The following SH2D4B variants were observed in gnomAD, a reference collection of about 807,000 sequenced individuals.
SH2D4B encodes the protein SH2 domain containing 4B, also known as SH2 domain-containing protein 4B.
A neutral mutation model predicts 61.5 loss-of-function variants in SH2D4B; 45 were observed. The observed-to-expected ratio is 0.73, with a 90% confidence interval of 0.58 to 0.94. The LOEUF (loss-of-function observed/expected upper bound fraction) is 0.94, where lower values mean the gene tolerates loss of function less well. Among genes scored for constraint, SH2D4B ranks in the 40% least tolerant of loss-of-function variants. The pLI is 0.00. For missense variants in SH2D4B, 572 were observed against 574.2 expected, an observed-to-expected ratio of 1.00 and a Z score of 0.04; for synonymous variants, 224 against 220.4, an observed-to-expected ratio of 1.02 and a Z score of -0.14.
rs548005265 is a variant in SH2D4B, at chr10:80,609,555, G to T, written c.988+4G>T. On this transcript the variant is annotated splice_donor_region_variant and intron_variant, in intron 6 of 7. Transcript: ENST00000646907. ...TTCATCGCCCCCTGGTTCCATGGTA[G>T]CACCATTTTTCTGGGCCCTGTGCCA... 1 of 1,613,922 alleles carries T rather than the reference G, an allele frequency of 6.2e-7. No homozygotes were observed. Among genetic ancestry groups the T allele is most frequent in the Non-Finnish European group, 8.5e-7 (1 of 1,179,786 alleles).
intron 4 of SH2D4B, 80 bp downstream of exon 4, chr10:80,588,857 C>A (rs929305656): frequency 7.8e-6 from 12 of 1,544,818 alleles, no homozygotes; most frequent in Non-Finnish European, 1.1e-5. Flanking sequence ...TGTACTCATT[C>A]GTCATTTCCA....
rs1842040548 is a variant in SH2D4B at position 80,571,423 on chromosome 10, C to T, written c.348-8C>T. On this transcript the variant is annotated splice_region_variant and splice_polypyrimidine_tract_variant and intron_variant, in intron 2 of 7. Transcript: ENST00000646907. ...CACAAGCTTATACCTGTGGTGCTCT[C>T]TTGGTAGGAGACAGAAGGAGGCAGA... 2 of 1,613,586 alleles carry T rather than the reference C, an allele frequency of 1.2e-6. No homozygotes were observed. Among genetic ancestry groups the T allele is most frequent in the Non-Finnish European group, 1.7e-6 (2 of 1,179,720 alleles).
chr10:80,588,566 T>C, intron 3 of SH2D4B, 64 bp from the exon 4 acceptor site: 2 of 1,588,198 alleles, frequency 1.3e-6, no homozygotes, highest in East Asian at 4.5e-5. Flanking sequence ...CCAGAGATAT[T>C]TCTTTCTCGT....
chr10:80,646,229 A>T lies in SH2D4B; in HGVS notation c.*2144A>T, dbSNP rs1349122862. ...AGGGGATATGATGTGATGATTTTCAAGGTGTTGGAGGCAACTTCTGTTCCA... is the reference window on the plus strand; with the variant it reads ...AGGGGATATGATGTGATGATTTTCATGGTGTTGGAGGCAACTTCTGTTCCA... On this transcript the variant is annotated 3_prime_UTR_variant, in exon 8 of 8. Transcript: ENST00000646907. 6.6e-6 allele frequency: 1 copy of T among 152,620 alleles called. No homozygotes were observed. Among genetic ancestry groups the T allele is most frequent in the African/African-American group, 2.4e-5 (1 of 41,434 alleles). The allele number at this position is 152,620 out of a possible 1,614,324, so 9.5% of individuals were successfully genotyped here.
chr10:80,595,800 C>T (rs1167633056), intron 4 of SH2D4B, among the ~76,000 whole-genome samples: 1 of 152,184 alleles, frequency 6.6e-6, no homozygotes, highest in Non-Finnish European at 1.5e-5. Context: ...TCCTTAATAG[C>T]GTGTTCAGGG....
At chr10:80,632,357 A>G (rs1365294819) in intron 6 of SH2D4B, among the ~76,000 whole-genome samples, 3 of 152,210 alleles carry the variant, frequency 2.0e-5, no homozygotes, top group Non-Finnish European at 2.9e-5. Context: ...GTGCATACAT[A>G]TATCAAAATG....
intron 4 of SH2D4B, among the ~76,000 whole-genome samples, chr10:80,602,165 A>G (rs1842457444): frequency 6.6e-6 from 1 of 152,196 alleles, no homozygotes; most frequent in Admixed American, 6.5e-5. Context: ...TGAGGAGCAC[A>G]AAAAGATGGA....
chr10:80,625,633 T>A (rs1381981509), intron 6 of SH2D4B, among the ~76,000 whole-genome samples: 1 of 150,686 alleles, frequency 6.6e-6, no homozygotes, highest in Non-Finnish European at 1.5e-5. Flanking sequence ...GGTGCAGTGG[T>A]GTGATCTTGG....
rs532625377 is a variant in SH2D4B, at chr10:80,625,174, CG to C, written c.989-9110del. Reference sequence around the variant, plus strand: ...TGCTTTTCTCATGCTTCATTGAGAACGTTTTTTTTTCTCATTCCATTTTTCC... The same window carrying C: ...TGCTTTTCTCATGCTTCATTGAGAACTTTTTTTTTCTCATTCCATTTTTCC... On this transcript the variant is annotated intron_variant, in intron 6 of 7. Coordinates refer to ENST00000646907, the MANE Select transcript of SH2D4B (RefSeq NM_001388272.1). Among the ~76,000 whole-genome samples, 554 of 152,166 alleles carry C rather than the reference CG, an allele frequency of 3.6e-3. 3 individuals are homozygous for C. Among genetic ancestry groups the C allele is most frequent in the Non-Finnish European group, 5.8e-3 (395 of 68,000 alleles).
intron 4 of SH2D4B, among the ~76,000 whole-genome samples, chr10:80,596,710 G>A (rs537863463): frequency 6.6e-6 from 1 of 152,198 alleles, no homozygotes; most frequent in African/African-American, 2.4e-5. Flanking sequence ...AGACATTACA[G>A]TCTATAACAA....
rs900026378 is a variant in SH2D4B, at chr10:80,540,793, C to G, written c.184+2278C>G. On this transcript the variant is annotated intron_variant, in intron 1 of 7. Transcript: ENST00000646907. ...TGGATCATAGGGAACACAGCCAACT[C>G]GAGTGCCAAGGGTGAGGCTTGGTTC... is the stretch of plus-strand genomic sequence containing the variant. The G allele has an allele frequency of 2.6e-6, 4 of 1,543,842 alleles. No individual in the cohort carries two copies. The African/African-American group carries it at 5.5e-5, about 21-fold the overall frequency.
At chr10:80,554,237 G>C (rs1169968970) in intron 1 of SH2D4B, among the ~76,000 whole-genome samples, 1 of 152,232 alleles carries the variant, frequency 6.6e-6, no homozygotes, top group Non-Finnish European at 1.5e-5. Flanking sequence ...TCTGAGAGGG[G>C]CCGTATCCTC....
chr10:80,595,301 C>T (rs1271429266), intron 4 of SH2D4B, among the ~76,000 whole-genome samples: 2 of 152,198 alleles, frequency 1.3e-5, no homozygotes, highest in African/African-American at 2.4e-5. Context: ...GTTTCTCTCT[C>T]CTAGGGACTT....
intron 3 of SH2D4B, among the ~76,000 whole-genome samples, chr10:80,583,542 C>T (rs184733892): frequency 9.7e-4 from 148 of 151,946 alleles, no homozygotes; most frequent in African/African-American, 3.5e-3. Context: ...GTGGCATGCG[C>T]GCCTGTAATT....
At chr10:80,540,728 A>C in intron 1 of SH2D4B, 2 of 1,134,174 alleles carry the variant, frequency 1.8e-6, no homozygotes, top group Non-Finnish European at 2.5e-6. Context: ...TGCTGATTTC[A>C]GTGAATGGGG....
intron 1 of SH2D4B, among the ~76,000 whole-genome samples, chr10:80,554,358 T>C (rs1841799652): frequency 1.3e-5 from 2 of 152,198 alleles, no homozygotes; most frequent in Admixed American, 6.5e-5. Context: ...GAAGTTCTGA[T>C]TCAATCTCTT....
At chr10:80,636,895 T>A (rs1455138863) in intron 7 of SH2D4B, among the ~76,000 whole-genome samples, 8 of 152,232 alleles carry the variant, frequency 5.3e-5, no homozygotes, top group Non-Finnish European at 1.0e-4. Flanking sequence ...TTGCCTAGGT[T>A]TTCTTCTAGG....
intron 6 of SH2D4B, among the ~76,000 whole-genome samples, chr10:80,612,004 A>G (rs1271290396): frequency 6.6e-6 from 1 of 152,128 alleles, no homozygotes; most frequent in East Asian, 1.9e-4. Context: ...AGGGTGGCCA[A>G]GTAACTTTGC....
intron 5 of SH2D4B, among the ~76,000 whole-genome samples, chr10:80,607,987 C>T (rs1842540077): frequency 6.6e-6 from 1 of 152,190 alleles, no homozygotes; most frequent in Non-Finnish European, 1.5e-5. Flanking sequence ...ACCTCCGCCT[C>T]CTGGGTTCAA....
Sources: gnomAD v4.1 joint callset for allele counts (sites outside exome capture counted in the v4.1 genomes callset) on GRCh38, gnomAD v4.1.1 for gene constraint, MANE v1.5 for transcripts, NCBI Gene and HGNC (gene_info 2026-07-23, HGNC 2026-07-21) for gene names.